Variants in ASRGL1 observed in about 807,000 individuals in gnomAD.
The protein encoded by ASRGL1 is asparaginase and isoaspartyl peptidase 1.
Under a neutral mutation model 22.4 loss-of-function variants are expected in ASRGL1, and 16 were observed. That is an observed-to-expected ratio of 0.71 (90% confidence interval 0.48 to 1.08). ASRGL1 has a LOEUF of 1.08. ASRGL1 is among the 50% of genes least tolerant of loss of function. ASRGL1 has a pLI of 0.00. For synonymous variants in ASRGL1, 165 were observed against 159.3 expected (o/e 1.04, Z -0.27); for missense variants, 412 against 410.1 (o/e 1.00, Z -0.04).
intron 4 of ASRGL1, among the ~76,000 whole-genome samples, chr11:62,364,298 C>T (rs182479810): frequency 2.0e-5 from 3 of 151,902 alleles, no homozygotes; most frequent in African/African-American, 7.3e-5. Context: ...TGCCATTCAT[C>T]TGCCATCACC....
At chr11:62,395,907 G>A (rs990281629), downstream of ASRGL1, among the ~76,000 whole-genome samples, 1 of 151,546 alleles carries the variant, frequency 6.6e-6, no homozygotes, top group Non-Finnish European at 1.5e-5. Flanking sequence ...GAGTAGCTGG[G>A]ATTACAGGCG....
intron 3 of ASRGL1, 106 bp downstream of exon 3, chr11:62,356,573 A>C: frequency 7.5e-7 from 1 of 1,336,864 alleles, no homozygotes; most frequent in South Asian, 1.3e-5. Context: ...TTCTCCTAAA[A>C]ATATATACAA....
In ASRGL1 at chr11:62,337,987, ATCGTAGTGGTCCACGGCGGCGGAG is replaced by A. The variant is rs2134555731; in HGVS notation, c.11_34del (p.Ile4_Ala12delinsThr). ...CCTAGGATCCGCCGACATGAATCCC[ATCGTAGTGGTCCACGGCGGCGGAG>A]CCGGTCCCATCTCCAAGGATCGGAA... On this transcript the variant is annotated inframe_deletion, in exon 2 of 7. Coordinates refer to ENST00000415229, the MANE Select transcript of ASRGL1 (RefSeq NM_001083926.2). 1 of 1,599,314 alleles carries A rather than the reference ATCGTAGTGGTCCACGGCGGCGGAG, an allele frequency of 6.3e-7. No individual in the cohort carries two copies. The highest frequency in any genetic ancestry group is 2.3e-5 in the East Asian group (1 of 44,408).
intron 4 of ASRGL1, among the ~76,000 whole-genome samples, chr11:62,386,622 C>T (rs1947218108): frequency 6.6e-6 from 1 of 152,204 alleles, no homozygotes; most frequent in Admixed American, 6.5e-5. Context: ...TTTACACCTA[C>T]TGCTGCTGTG....
intron 4 of ASRGL1, among the ~76,000 whole-genome samples, chr11:62,360,686 G>C (rs1946411742): frequency 6.6e-6 from 1 of 152,096 alleles, no homozygotes; most frequent in African/African-American, 2.4e-5. Flanking sequence ...ATTAAAATTA[G>C]TAAGAAAATT....
intron 2 of ASRGL1, among the ~76,000 whole-genome samples, chr11:62,345,023 C>T (rs756314713): frequency 6.6e-6 from 1 of 152,306 alleles, no homozygotes; most frequent in Non-Finnish European, 1.5e-5. Flanking sequence ...CCTCCAGTTC[C>T]ATCCATGTTG....
chr11:62,371,247 TC>T, intron 4 of ASRGL1: 1 of 1,300,934 alleles, frequency 7.7e-7, no homozygotes, highest in Non-Finnish European at 1.0e-6. Context: ...AGCGCGAGCC[TC>T]CCGAGCGCTG....
intron 4 of ASRGL1, among the ~76,000 whole-genome samples, chr11:62,362,630 AAT>A (rs1335715613): frequency 1.4e-4 from 7 of 48,492 alleles, no homozygotes; most frequent in African/African-American, 4.3e-4. Context: ...TATTATATAA[AAT>A]ATATATAATA....
intron 4 of ASRGL1, among the ~76,000 whole-genome samples, chr11:62,361,171 A>G (rs1565161005): frequency 6.6e-6 from 1 of 151,500 alleles, no homozygotes; most frequent in African/African-American, 2.4e-5. Context: ...TTGTCAATAA[A>G]TTTTTTGGTT....
the ASRGL1 span, among the ~76,000 whole-genome samples, chr11:62,400,184 G>T: frequency 1.3e-5 from 2 of 152,132 alleles, no homozygotes; most frequent in African/African-American, 4.8e-5. Flanking sequence ...GATATGAGGG[G>T]CTCCCCAGGC....
chr11:62,338,390 C>G (rs1026801823), intron 2 of ASRGL1: 5 of 486,404 alleles, frequency 1.0e-5, no homozygotes, highest in African/African-American at 2.0e-5. Flanking sequence ...CCAATGGCCT[C>G]TGATACAGCT....
At chr11:62,375,331 G>A (rs1946885863) in intron 4 of ASRGL1, among the ~76,000 whole-genome samples, 1 of 150,420 alleles carries the variant, frequency 6.6e-6, no homozygotes, top group African/African-American at 2.4e-5. Context: ...TCTAGCTCAG[G>A]AAAAAGAATT....
chr11:62,367,845 G>A (rs1274879145), intron 4 of ASRGL1, among the ~76,000 whole-genome samples: 2 of 152,000 alleles, frequency 1.3e-5, no homozygotes, highest in Non-Finnish European at 2.9e-5. Flanking sequence ...GGGAGGCTGA[G>A]GCAGGAGAAT....
chr11:62,376,553 C>A (rs746988221), intron 4 of ASRGL1, among the ~76,000 whole-genome samples: 54 of 152,044 alleles, frequency 3.6e-4, no homozygotes, highest in Non-Finnish European at 6.0e-4. Context: ...AGATGTTCTG[C>A]AGAAGTAGTA....
intron 4 of ASRGL1, among the ~76,000 whole-genome samples, chr11:62,380,076 C>T (rs1947026893): frequency 6.6e-6 from 1 of 152,012 alleles, no homozygotes; most frequent in Admixed American, 6.5e-5. Context: ...ATAACATTTT[C>T]CCCCAAATGT....
chr11:62,364,929 C>T (rs540747640), intron 4 of ASRGL1, among the ~76,000 whole-genome samples: 3 of 151,316 alleles, frequency 2.0e-5, no homozygotes, highest in South Asian at 2.1e-4. Context: ...ATTAGCTGGG[C>T]GTGGTGGTGG....
At chr11:62,391,990 C>T in intron 6 of ASRGL1, 89 bp from the exon 7 acceptor site, 1 of 1,459,074 alleles carries the variant, frequency 6.9e-7, no homozygotes, top group African/African-American at 1.4e-5. Context: ...TCCTTGCTAG[C>T]TCACTTTGGC....
intron 2 of ASRGL1, among the ~76,000 whole-genome samples, chr11:62,355,475 C>T (rs962937241): frequency 1.4e-4 from 21 of 152,024 alleles, no homozygotes; most frequent in South Asian, 1.0e-3. Flanking sequence ...CTGCCCGCCT[C>T]GGCCTCCCAA....
rs1315815593 is a variant in ASRGL1 at position 62,375,467 on chromosome 11, T to C, written c.492-13666T>C. Among the ~76,000 whole-genome samples, 122 of 95,836 alleles carry C rather than the reference T, an allele frequency of 1.3e-3. 4 individuals are homozygous for C. Among genetic ancestry groups the C allele is most frequent in the African/African-American group, 4.5e-3 (117 of 25,802 alleles). The allele number at this position is 95,836 out of a possible 152,430, so 62.9% of individuals were successfully genotyped here. A position where few individuals can be genotyped will look rare whatever the true frequency, so the allele number is the denominator to read the frequency against. On this transcript the variant is annotated intron_variant, in intron 4 of 6. Coordinates refer to ENST00000415229, the MANE Select transcript of ASRGL1 (RefSeq NM_001083926.2). Reference sequence around the variant, plus strand: ...ATATATATATATATATATATATATATATATATATATATATTTCTTGGAGTA... The same window carrying C: ...ATATATATATATATATATATATATACATATATATATATATTTCTTGGAGTA...
Sources: gnomAD v4.1 joint callset for allele counts (sites outside exome capture counted in the v4.1 genomes callset) on GRCh38, gnomAD v4.1.1 for gene constraint, MANE v1.5 for transcripts, NCBI Gene and HGNC (gene_info 2026-07-23, HGNC 2026-07-21) for gene names.